Variants in PDZRN4 observed in about 807,000 individuals in gnomAD.
The protein encoded by PDZRN4 is PDZ domain containing ring finger 4, also known as PDZ domain-containing RING finger protein 4.
PDZRN4 carries 70 observed loss-of-function variants against 99.0 expected under a neutral mutation model. The ratio of observed to expected loss-of-function variants is 0.71; its 90% CI spans 0.58 to 0.86. PDZRN4 has a LOEUF of 0.86. Ranked by LOEUF, PDZRN4 falls within the 40% of genes least tolerant of loss-of-function variation. The pLI is 0.00. For synonymous variants in PDZRN4, 551 were observed against 501.6 expected, an observed-to-expected ratio of 1.10 and a Z score of -1.32; for missense variants, 1,474 against 1,331.2, an observed-to-expected ratio of 1.11 and a Z score of -1.67.
intron 3 of PDZRN4, among the ~76,000 whole-genome samples, chr12:41,211,305 G>A (rs1015139877): frequency 1.3e-5 from 2 of 152,018 alleles, no homozygotes; most frequent in Admixed American, 1.3e-4. Context: ...CCAGTCCTGG[G>A]ATTGTTCTTA....
intron 3 of PDZRN4, among the ~76,000 whole-genome samples, chr12:41,457,562 C>A (rs1286067489): frequency 6.6e-6 from 1 of 152,066 alleles, no homozygotes; most frequent in Non-Finnish European, 1.5e-5. Flanking sequence ...TTAGCTATAG[C>A]AGAATAAAAT....
At chr12:41,459,936 T>G in intron 3 of PDZRN4, 1 of 1,264,520 alleles carries the variant, frequency 7.9e-7, no homozygotes, top group Non-Finnish European at 1.0e-6. Flanking sequence ...GGAGAAAAAA[T>G]GACCTTTGTT....
At chr12:41,287,589 A>C (rs1324277454) in intron 3 of PDZRN4, among the ~76,000 whole-genome samples, 1 of 152,252 alleles carries the variant, frequency 6.6e-6, no homozygotes, top group Non-Finnish European at 1.5e-5. Context: ...GTCAGAGTTC[A>C]TAGAAAATCT....
rs373960262 is a variant in PDZRN4 at position 41,449,554 on chromosome 12, T to C, written c.844-56902T>C. ...CTATCCAGCAGACATGGGTAATGGA[T>C]GTGCACGCAAATAACTATGATGCAA... On this transcript the variant is annotated intron_variant, in intron 3 of 9. Transcript: ENST00000402685. 4.6e-5 allele frequency among the ~76,000 whole-genome samples: 7 copies of C among 152,258 alleles called. No homozygotes were observed. The East Asian group carries it at 1.2e-3, about 25-fold the overall frequency.
At chr12:41,497,236 T>C (rs533971316) in intron 3 of PDZRN4, among the ~76,000 whole-genome samples, 1 of 152,202 alleles carries the variant, frequency 6.6e-6, no homozygotes, top group South Asian at 2.1e-4. Context: ...AAATCCTCAG[T>C]TGTTGATGTT....
chr12:41,213,052 A>T (rs1237952001), intron 3 of PDZRN4, among the ~76,000 whole-genome samples: 2 of 151,988 alleles, frequency 1.3e-5, no homozygotes, highest in Non-Finnish European at 2.9e-5. Flanking sequence ...ATCTGGCAAA[A>T]TGATTACTAA....
At chr12:41,437,809 C>T (rs1952643828) in intron 3 of PDZRN4, 8 of 1,565,946 alleles carry the variant, frequency 5.1e-6, no homozygotes, top group African/African-American at 1.4e-5. Context: ...CAGCTAACAG[C>T]GGTTTGTCTG....
chr12:41,548,337 A>AT lies in PDZRN4; in HGVS notation c.1204-4313dup, dbSNP rs539994531. On this transcript the variant is annotated intron_variant, in intron 5 of 9. Coordinates refer to ENST00000402685, the MANE Select transcript of PDZRN4 (RefSeq NM_001164595.2). Reference sequence around the variant, plus strand: ...AGTTTTAATATTTCTCATTTGATTTATTTTTTGAAATAAGTGTTTTATTGG... The same window carrying AT: ...AGTTTTAATATTTCTCATTTGATTTATTTTTTTGAAATAAGTGTTTTATTGG... Among the ~76,000 whole-genome samples, 1,238 of 152,202 alleles carry AT rather than the reference A, an allele frequency of 8.1e-3. 20 individuals are homozygous for AT. Among genetic ancestry groups the AT allele is most frequent in the African/African-American group, 0.027 (1,106 of 41,536 alleles).
intron 3 of PDZRN4, among the ~76,000 whole-genome samples, chr12:41,211,508 T>A (rs1429386647): frequency 3.3e-5 from 5 of 151,982 alleles, no homozygotes; most frequent in African/African-American, 1.2e-4. Flanking sequence ...GAAGCTTTTC[T>A]CTGAGGTGCT....
intron 3 of PDZRN4, among the ~76,000 whole-genome samples, chr12:41,254,900 A>C (rs1247091282): frequency 6.6e-6 from 1 of 152,174 alleles, no homozygotes; most frequent in Non-Finnish European, 1.5e-5. Flanking sequence ...AGCCTAGGCA[A>C]CACAGGGAGA....
intron 3 of PDZRN4, among the ~76,000 whole-genome samples, chr12:41,196,159 C>G (rs1297909418): frequency 6.6e-6 from 1 of 151,998 alleles, no homozygotes. Flanking sequence ...TGCATCTAGA[C>G]ACCTACATAG....
At chr12:41,552,891 C>T (rs1939083672) in intron 6 of PDZRN4, 137 bp downstream of exon 6, 1 of 595,294 alleles carries the variant, frequency 1.7e-6, no homozygotes, top group Admixed American at 2.8e-5. Flanking sequence ...AAACGTGTCA[C>T]CTTCAATTAG....
chr12:41,213,311 T>C (rs80268678), intron 3 of PDZRN4, among the ~76,000 whole-genome samples: 5,346 of 151,998 alleles, frequency 0.035, 307 homozygotes, highest in African/African-American at 0.12. Flanking sequence ...AGATGCCAGG[T>C]GGCAGTGGTT....
At chr12:41,530,682 T>C (rs1356460258) in intron 5 of PDZRN4, among the ~76,000 whole-genome samples, 8 of 152,206 alleles carry the variant, frequency 5.3e-5, no homozygotes, top group African/African-American at 1.9e-4. Context: ...AGTTAGTGCT[T>C]GAGCAATTCT....
In PDZRN4 at chr12:41,573,775, GAAAC is replaced by G. The variant is rs889756884; in HGVS notation, c.2999_3002del (p.Asn1000ArgfsTer8). 1.7e-5 allele frequency: 28 copies of G among 1,613,704 alleles called. No individual in the cohort carries two copies. The Admixed American group carries it at 4.0e-4, about 23-fold the overall frequency. On this transcript the variant is annotated frameshift_variant, in exon 10 of 10. Transcript: ENST00000402685. LOFTEE classifies it high-confidence loss of function. The stretch of plus-strand genomic sequence containing the variant: ...AGTCACAAAAAGATGATGAAAAAGA[GAAAC>G]AAGAAAATTTTGGACAACTGGATGA...
intron 3 of PDZRN4, among the ~76,000 whole-genome samples, chr12:41,223,828 A>G (rs1259195964): frequency 2.6e-5 from 4 of 152,196 alleles, no homozygotes; most frequent in Non-Finnish European, 5.9e-5. Context: ...CTCACTGCTG[A>G]GAAACCCAAA....
intron 3 of PDZRN4, among the ~76,000 whole-genome samples, chr12:41,259,549 T>A (rs994534842): frequency 6.6e-6 from 1 of 152,174 alleles, no homozygotes; most frequent in South Asian, 2.1e-4. Context: ...CTGCTCCTTA[T>A]GGTAGAATTA....
At position 41,573,243 on chromosome 12, in the gene PDZRN4, G is replaced by T. The variant is rs1939516208; in HGVS notation, c.2464G>T (p.Ala822Ser). The change falls in exon 10 of 10, where the codon GCA becomes TCA. Residue 822 changes from alanine to serine, a missense_variant. Physicochemically the swap from Ala to Ser is moderately conservative, Grantham distance 99 (BLOSUM62 1). Transcript: ENST00000402685. ...EGSKLPDQEKAVSEHIPYLSP... is the reference protein window; with the variant it reads ...EGSKLPDQEKSVSEHIPYLSP... ...CAGCAAGCTTCCTGATCAAGAGAAG[G>T]CAGTCAGCGAACACATCCCTTACCT... The T allele has an allele frequency of 6.2e-7, 1 of 1,613,904 alleles. No homozygotes were observed. The highest frequency in any genetic ancestry group is 8.5e-7 in the Non-Finnish European group (1 of 1,180,018).
chr12:41,188,763 A>T lies in PDZRN4; in HGVS notation c.308A>T (p.His103Leu). Residue 103 changes from histidine to leucine, a missense_variant, in exon 1 of 10, where the codon CAC becomes CTC. By Grantham distance (99) the His-to-Leu change is moderately conservative. Transcript: ENST00000402685. ...RLHELEAHVE[H>L]CDFGPARRLR... Reference sequence around the variant, plus strand: ...CACGAGCTGGAGGCGCACGTCGAGCACTGCGACTTCGGCCCTGCCCGCCGG... The same window carrying T: ...CACGAGCTGGAGGCGCACGTCGAGCTCTGCGACTTCGGCCCTGCCCGCCGG... 2 of 1,449,992 alleles carry T rather than the reference A, an allele frequency of 1.4e-6. No homozygotes were observed. Among genetic ancestry groups the T allele is most frequent in the Non-Finnish European group, 1.8e-6 (2 of 1,109,008 alleles). The allele number at this position is 1,449,992 out of a possible 1,614,324, so 89.8% of individuals were successfully genotyped here.
Sources: gnomAD v4.1 joint callset for allele counts (sites outside exome capture counted in the v4.1 genomes callset) on GRCh38, gnomAD v4.1.1 for gene constraint, MANE v1.5 for transcripts, NCBI Gene and HGNC (gene_info 2026-07-23, HGNC 2026-07-21) for gene names.